The following NTRK2 variants were observed in gnomAD, a reference collection of about 807,000 sequenced individuals.
NTRK2 encodes the protein BDNF/NT-3 growth factors receptor.
A neutral mutation model predicts 94.5 loss-of-function variants in NTRK2; 13 were observed. The ratio of observed to expected loss-of-function variants is 0.14; its 90% CI spans 0.09 to 0.22. The LOEUF is 0.22. Ranked by LOEUF, NTRK2 falls within the 10% of genes least tolerant of loss-of-function variation. The probability of loss-of-function intolerance (pLI) is 1.00; values close to 1 mark genes in which losing one functional copy is unlikely to be tolerated. For missense variants in NTRK2, 639 were observed against 1,071.2 expected, an observed-to-expected ratio of 0.60 and a Z score of 5.63; for synonymous variants, 372 against 407.4, an observed-to-expected ratio of 0.91 and a Z score of 1.05.
At chr9:84,688,153 A>G (rs1187359) in intron 2 of NTRK2, among the ~76,000 whole-genome samples, 106,006 of 152,034 alleles carry the variant, frequency 0.7, 37,177 homozygotes, top group East Asian at 0.83. Flanking sequence ...GGAAGGGTGA[A>G]ATCCAGGAAG....
Position 84,934,217 on chromosome 9 carries a change from A to T in NTRK2, c.1689A>T (p.Gly563=), listed in dbSNP as rs2132719236. 6.2e-7 allele frequency: 1 copy of T among 1,614,022 alleles called. No homozygotes were observed. Residue 563 remains glycine (G), a synonymous_variant, in exon 15 of 19, where the codon GGA becomes GGT. Transcript: ENST00000277120. ...NIVLKRELGE[G]AFGKVFLAEC... ...TTCTGAAAAGGGAGCTAGGCGAAGG[A>T]GCCTTTGGAAAAGTGTTCCTAGCTG... is the stretch of plus-strand genomic sequence containing the variant.
At chr9:85,009,536 A>G (rs1257634881) in intron 17 of NTRK2, among the ~76,000 whole-genome samples, 1 of 152,132 alleles carries the variant, frequency 6.6e-6, no homozygotes, top group Non-Finnish European at 1.5e-5. Context: ...TGCACTTTTT[A>G]TGGGTATATT....
At chr9:84,707,357 T>C (rs543950249) in intron 4 of NTRK2, among the ~76,000 whole-genome samples, 2 of 152,202 alleles carry the variant, frequency 1.3e-5, no homozygotes, top group East Asian at 1.9e-4. Context: ...TTTTTATCAA[T>C]AAAATGTCTT....
intron 17 of NTRK2, among the ~76,000 whole-genome samples, chr9:84,998,120 G>A (rs1829961667): frequency 6.6e-6 from 1 of 152,198 alleles, no homozygotes; most frequent in African/African-American, 2.4e-5. Context: ...GGATCTTTAA[G>A]CAGTGGGAGG....
intron 17 of NTRK2, among the ~76,000 whole-genome samples, chr9:85,011,303 A>T (rs1831545244): frequency 6.6e-6 from 1 of 152,156 alleles, no homozygotes; most frequent in African/African-American, 2.4e-5. Flanking sequence ...TAGTATTCAG[A>T]GCTGTTCTTG....
intron 14 of NTRK2, among the ~76,000 whole-genome samples, chr9:84,893,992 T>C (rs191345654): frequency 3.9e-5 from 6 of 152,112 alleles, no homozygotes; most frequent in Admixed American, 3.3e-4. Context: ...AAACCGAGTG[T>C]TGCAAGGAGA....
chr9:84,699,602 C>G (rs1317753543), intron 2 of NTRK2, among the ~76,000 whole-genome samples: 2 of 150,858 alleles, frequency 1.3e-5, no homozygotes, highest in Non-Finnish European at 1.5e-5. Flanking sequence ...CAAATTTATC[C>G]TCATCTCCTT....
chr9:84,949,457 T>G (rs2078706110), intron 16 of NTRK2, among the ~76,000 whole-genome samples: 1 of 148,204 alleles, frequency 6.7e-6, no homozygotes, highest in South Asian at 2.1e-4. Context: ...TTTATTTATT[T>G]ATTTATTTAT....
At chr9:84,993,014 C>T (rs1317891306) in intron 17 of NTRK2, among the ~76,000 whole-genome samples, 1 of 151,748 alleles carries the variant, frequency 6.6e-6, no homozygotes, top group African/African-American at 2.4e-5. Context: ...ATTTCCAGTC[C>T]TCATCTTATT....
At chr9:84,823,089 C>A (rs1315557179) in intron 12 of NTRK2, among the ~76,000 whole-genome samples, 1 of 151,872 alleles carries the variant, frequency 6.6e-6, no homozygotes, top group Non-Finnish European at 1.5e-5. Context: ...CTACTACAAT[C>A]ATTTTTTTTT....
intron 12 of NTRK2, among the ~76,000 whole-genome samples, chr9:84,845,103 ACCAGGTATCTGC>A (rs1023862802): frequency 5.3e-5 from 8 of 152,218 alleles, no homozygotes; most frequent in Non-Finnish European, 8.8e-5. Flanking sequence ...CACTACCACT[ACCAGGTATCTGC>A]CCAAAGGAAA....
At position 84,724,255 on chromosome 9, in the gene NTRK2, G is replaced by A. The variant is rs200869053; in HGVS notation, c.752G>A (p.Arg251Lys). ...ACAAGCCACACACAGGGCTCCTTAA[G>A]GATAACTAACATTTCATCCGATGAC... Reference protein sequence around the residue: ...NETSHTQGSLRITNISSDDSG... With the variant: ...NETSHTQGSLKITNISSDDSG... Residue 251 changes from arginine to lysine, a missense_variant, in exon 8 of 19, where the codon AGG becomes AAG. Arg to Lys is a conservative substitution (Grantham distance 26). Transcript: ENST00000277120. 2.2e-5 allele frequency: 36 copies of A among 1,614,052 alleles called. No individual in the cohort carries two copies. Among genetic ancestry groups the A allele is most frequent in the Non-Finnish European group, 2.8e-5 (33 of 1,179,958 alleles).
At chr9:84,815,042 AAT>A (rs2072243800) in intron 12 of NTRK2, 1 of 1,059,076 alleles carries the variant, frequency 9.4e-7, no homozygotes, top group African/African-American at 1.6e-5. Flanking sequence ...TGCCAGACTG[AAT>A]TTGGCTGACA....
intron 14 of NTRK2, among the ~76,000 whole-genome samples, chr9:84,883,847 G>A (rs1201056822): frequency 6.6e-6 from 1 of 152,176 alleles, no homozygotes; most frequent in Non-Finnish European, 1.5e-5. Flanking sequence ...AACTGGAGTT[G>A]CATCAAAAGT....
chr9:84,723,106 C>G (rs2062185826), intron 6 of NTRK2, among the ~76,000 whole-genome samples: 1 of 152,084 alleles, frequency 6.6e-6, no homozygotes, highest in East Asian at 1.9e-4. Context: ...TTACTTAAAG[C>G]AAAAAACAGA....
At chr9:85,001,648 A>G (rs952632273) in intron 17 of NTRK2, among the ~76,000 whole-genome samples, 1 of 152,226 alleles carries the variant, frequency 6.6e-6, no homozygotes, top group South Asian at 2.1e-4. Flanking sequence ...GGAACATTCT[A>G]TCAAAAGACC....
chr9:84,701,056 A>G (rs935602541), intron 2 of NTRK2, among the ~76,000 whole-genome samples: 2 of 152,250 alleles, frequency 1.3e-5, no homozygotes, highest in Non-Finnish European at 1.5e-5. Flanking sequence ...AACTGAATAG[A>G]CAGGTACTTA....
chr9:84,698,280 T>G (rs2060509635), intron 2 of NTRK2, among the ~76,000 whole-genome samples: 1 of 152,128 alleles, frequency 6.6e-6, no homozygotes, highest in Admixed American at 6.5e-5. Context: ...TCACACAGAT[T>G]GTTTTATGTT....
intron 14 of NTRK2, among the ~76,000 whole-genome samples, chr9:84,917,209 A>G (rs2077420308): frequency 6.6e-6 from 1 of 152,216 alleles, no homozygotes; most frequent in African/African-American, 2.4e-5. Context: ...ACCATCATAC[A>G]TTATGTAAGT....
Sources: allele counts gnomAD v4.1 joint callset (sites outside exome capture counted in the v4.1 genomes callset), GRCh38; gene constraint gnomAD v4.1.1; transcripts MANE v1.5; gene names NCBI Gene and HGNC (gene_info 2026-07-23, HGNC 2026-07-21).